Variants in ANKRD11 observed in about 807,000 individuals in gnomAD.
The protein encoded by ANKRD11 is ankyrin repeat domain-containing protein 11.
Under a neutral mutation model 195.7 loss-of-function variants are expected in ANKRD11, and 17 were observed. The ratio of observed to expected loss-of-function variants is 0.09; its 90% CI spans 0.06 to 0.13. The LOEUF (loss-of-function observed/expected upper bound fraction) is 0.13. ANKRD11 is among the 10% of genes least tolerant of loss of function. The pLI is 1.00. For missense variants in ANKRD11, 3,735 were observed against 3,566.1 expected (o/e 1.05, Z -1.21); for synonymous variants, 1,953 against 1,528.1 (o/e 1.28, Z -6.49).
chr16:89,442,707 C>T (rs1231790228), intron 1 of ANKRD11, among the ~76,000 whole-genome samples: 2 of 152,356 alleles, frequency 1.3e-5, no homozygotes, highest in South Asian at 2.1e-4. Context: ...CCACCACCCA[C>T]CAGGAATGTT....
chr16:89,289,027 C>T (rs572831366), intron 6 of ANKRD11: 7 of 349,956 alleles, frequency 2.0e-5, no homozygotes, highest in South Asian at 8.0e-5. Flanking sequence ...TTGCAAAACA[C>T]GGAGGGGAAA....
rs116982540 is a variant in ANKRD11 at position 89,406,845 on chromosome 16, A to G, written c.-60+11439T>C. ...AGAAAGGACAGCTGTGGAATATGGA[A>G]GGGGAAAAGGAAAAGGGAACAGGAG... On this transcript the variant is annotated intron_variant, in intron 2 of 12. Coordinates refer to ENST00000301030, the MANE Select transcript of ANKRD11 (RefSeq NM_013275.6). Among the ~76,000 whole-genome samples the G allele has an allele frequency of 2.0e-5, 3 of 152,328 alleles. No homozygotes were observed. The East Asian group carries it at 5.8e-4, about 29-fold the overall frequency.
chr16:89,314,169 G>A (rs570243320), intron 3 of ANKRD11, among the ~76,000 whole-genome samples: 1 of 152,086 alleles, frequency 6.6e-6, no homozygotes, highest in Non-Finnish European at 1.5e-5. Context: ...GGCAGGGTGG[G>A]GGGTTATGGA....
intron 2 of ANKRD11, among the ~76,000 whole-genome samples, chr16:89,337,603 A>AT (rs1348672412): frequency 1.3e-5 from 2 of 151,150 alleles, no homozygotes; most frequent in African/African-American, 2.4e-5. Flanking sequence ...TGCCCAGATA[A>AT]TTTTTTTGTA....
intron 2 of ANKRD11, chr16:89,324,583 T>C (rs796350522): frequency 7.1e-5 from 32 of 451,300 alleles, no homozygotes; most frequent in African/African-American, 5.6e-4. Context: ...TGGGGGGGCA[T>C]GATCTCATCA....
At chr16:89,423,036 G>A (rs2042576100) in intron 1 of ANKRD11, among the ~76,000 whole-genome samples, 1 of 152,138 alleles carries the variant, frequency 6.6e-6, no homozygotes, top group Admixed American at 6.5e-5. Flanking sequence ...AAAACCACGA[G>A]GCCTGTGGCT....
Position 89,490,540 on chromosome 16 carries a change from GCA to G in ANKRD11, c.-442_-441del. Reference sequence around the variant, plus strand: ...CCGGCTGGGGCCCTCGGTCCATCGCGCACCGTCTCAGGGCGGCCTCTGGCTCC... The same window carrying G: ...CCGGCTGGGGCCCTCGGTCCATCGCGCCGTCTCAGGGCGGCCTCTGGCTCC... On this transcript the variant is annotated 5_prime_UTR_variant, in exon 1 of 13. Transcript: ENST00000301030. The G allele has an allele frequency of 2.2e-6, 1 of 456,796 alleles. No individual in the cohort carries two copies. Among genetic ancestry groups the G allele is most frequent in the Non-Finnish European group, 3.9e-6 (1 of 256,064 alleles). The allele number at this position is 456,796 out of a possible 1,614,324, so 28.3% of individuals were successfully genotyped here.
intron 2 of ANKRD11, among the ~76,000 whole-genome samples, chr16:89,407,769 G>T (rs2041965199): frequency 6.7e-6 from 1 of 149,960 alleles, no homozygotes; most frequent in East Asian, 2.0e-4. Context: ...AGGATCGCTT[G>T]AGCCCAGGAG....
rs1426911337 is a variant in ANKRD11, at chr16:89,291,441, C to G, written c.227-258G>C. On this transcript the variant is annotated intron_variant, in intron 4 of 12. Coordinates refer to ENST00000301030, the MANE Select transcript of ANKRD11 (RefSeq NM_013275.6). This position sits in a 1 kb window ranked among gnomAD's most constrained non-coding sequence, Gnocchi z 5.3. Reference sequence around the variant, plus strand: ...AAGTCTGCTAAGCCTGGGCCTCCACCGAGCATCCACTCACTCCAGGCACCT... The same window carrying G: ...AAGTCTGCTAAGCCTGGGCCTCCACGGAGCATCCACTCACTCCAGGCACCT... 2.0e-5 allele frequency among the ~76,000 whole-genome samples: 3 copies of G among 152,132 alleles called. No individual in the cohort carries two copies. Among genetic ancestry groups the G allele is most frequent in the African/African-American group, 7.2e-5 (3 of 41,434 alleles).
intron 1 of ANKRD11, among the ~76,000 whole-genome samples, chr16:89,485,043 G>C (rs976209519): frequency 6.6e-6 from 1 of 150,648 alleles, no homozygotes; most frequent in Non-Finnish European, 1.5e-5. Context: ...AGCGGGTGTG[G>C]GGAAGCCCAG....
chr16:89,413,777 G>C (rs186526238), intron 2 of ANKRD11, among the ~76,000 whole-genome samples: 1 of 152,184 alleles, frequency 6.6e-6, no homozygotes, highest in Non-Finnish European at 1.5e-5. Flanking sequence ...AAGCTCCCCA[G>C]GGGTGAGGGT....
At chr16:89,274,161 GC>G (rs1378706405) in intron 11 of ANKRD11, among the ~76,000 whole-genome samples, 2 of 152,240 alleles carry the variant, frequency 1.3e-5, no homozygotes, top group Non-Finnish European at 2.9e-5. Flanking sequence ...AGGAAGAGCT[GC>G]CCCAGGGAGA....
At chr16:89,484,063 C>G (rs1349299291) in intron 1 of ANKRD11, among the ~76,000 whole-genome samples, 1 of 152,204 alleles carries the variant, frequency 6.6e-6, no homozygotes, top group Admixed American at 6.5e-5. Flanking sequence ...TCGAGACGCT[C>G]TTCGGCTGCC....
At chr16:89,332,950 C>A (rs538893712) in intron 2 of ANKRD11, among the ~76,000 whole-genome samples, 1 of 152,370 alleles carries the variant, frequency 6.6e-6, no homozygotes, top group Middle Eastern at 3.4e-3. Flanking sequence ...CGAGCTGCAA[C>A]AGAACAGCGG....
At chr16:89,269,458 C>G (rs1431031089) in intron 12 of ANKRD11, among the ~76,000 whole-genome samples, 1 of 152,132 alleles carries the variant, frequency 6.6e-6, no homozygotes, top group East Asian at 1.9e-4. Flanking sequence ...CAATGGGCCT[C>G]ATAGCTTTTA....
At chr16:89,451,996 C>T (rs549847877) in intron 1 of ANKRD11, among the ~76,000 whole-genome samples, 4 of 152,064 alleles carry the variant, frequency 2.6e-5, no homozygotes, top group African/African-American at 7.2e-5. Context: ...CAGTGTCTCA[C>T]GTCTATAATC....
chr16:89,416,297 AT>A (rs1011647313), intron 2 of ANKRD11, among the ~76,000 whole-genome samples: 12 of 151,078 alleles, frequency 7.9e-5, no homozygotes, highest in African/African-American at 2.9e-4. Context: ...TTTTGAATCC[AT>A]CGATTTTTTT....
intron 2 of ANKRD11, chr16:89,323,007 C>CTAATTTCTG (rs1262500476): frequency 1.0e-5 from 3 of 299,352 alleles, no homozygotes; most frequent in Non-Finnish European, 2.0e-5. Context: ...CCATGCCCGG[C>CTAATTTCTG]TAATTTCTGT....
chr16:89,421,213 G>C (rs1462112389), intron 1 of ANKRD11, among the ~76,000 whole-genome samples: 2 of 56,504 alleles, frequency 3.5e-5, no homozygotes, highest in Non-Finnish European at 7.1e-5. Context: ...CGAAGGGTCG[G>C]TGTGTGATGA....
Sources: allele counts gnomAD v4.1 joint callset (sites outside exome capture counted in the v4.1 genomes callset), GRCh38; gene constraint gnomAD v4.1.1; non-coding constraint Gnocchi (gnomAD v3.1); transcripts MANE v1.5; gene names NCBI Gene and HGNC (gene_info 2026-07-23, HGNC 2026-07-21).